The following NCAM2 variants were observed in gnomAD, a reference collection of about 807,000 sequenced individuals.
NCAM2 encodes the protein N-CAM-2.
NCAM2 carries 30 observed loss-of-function variants against 98.1 expected under a neutral mutation model. That is an observed-to-expected ratio of 0.31 (90% CI 0.23 to 0.41). The LOEUF is 0.41. Ranked by LOEUF, NCAM2 falls within the 10% of genes least tolerant of loss-of-function variation. NCAM2 has a pLI of 1.00. For synonymous variants in NCAM2, 368 were observed against 342.4 expected, an observed-to-expected ratio of 1.07 and a Z score of -0.83; for missense variants, 867 against 1,005.8, an observed-to-expected ratio of 0.86 and a Z score of 1.87.
chr21:21,315,261 G>A (rs1462868889), intron 5 of NCAM2, among the ~76,000 whole-genome samples: 2 of 152,066 alleles, frequency 1.3e-5, no homozygotes, highest in East Asian at 3.9e-4. Flanking sequence ...CAAAATCTTA[G>A]CAATGTTTAG....
intron 1 of NCAM2, among the ~76,000 whole-genome samples, chr21:21,242,544 A>T (rs376475506): frequency 6.6e-6 from 1 of 151,984 alleles, no homozygotes. Flanking sequence ...CTCTACTTCT[A>T]TGGGTTCACT....
At chr21:21,132,564 A>G (rs961420985) in intron 1 of NCAM2, among the ~76,000 whole-genome samples, 5 of 152,204 alleles carry the variant, frequency 3.3e-5, no homozygotes, top group African/African-American at 1.2e-4. Flanking sequence ...AAAGCACCTC[A>G]GTATTCTAAT....
chr21:21,400,685 A>G (rs1413913119), intron 9 of NCAM2, among the ~76,000 whole-genome samples: 1 of 151,468 alleles, frequency 6.6e-6, no homozygotes, highest in Non-Finnish European at 1.5e-5. Context: ...TCCTAGGTTC[A>G]AGTGATTCTC....
chr21:21,205,109 GT>G (rs1375570829), intron 1 of NCAM2, among the ~76,000 whole-genome samples: 1 of 152,122 alleles, frequency 6.6e-6, no homozygotes, highest in Non-Finnish European at 1.5e-5. Flanking sequence ...GAGTCTAACG[GT>G]AAACCGTATT....
At chr21:21,526,657 C>T (rs1989340492) in intron 16 of NCAM2, among the ~76,000 whole-genome samples, 1 of 151,948 alleles carries the variant, frequency 6.6e-6, no homozygotes, top group Non-Finnish European at 1.5e-5. Context: ...GGCAAAAAGA[C>T]CCACAATAAC....
intron 5 of NCAM2, among the ~76,000 whole-genome samples, chr21:21,307,006 T>G (rs1473243409): frequency 6.6e-6 from 1 of 152,144 alleles, no homozygotes; most frequent in South Asian, 2.1e-4. Context: ...TCTATCCATG[T>G]GGTTGCAAAT....
intron 16 of NCAM2, among the ~76,000 whole-genome samples, chr21:21,530,101 A>C (rs1602568975): frequency 1.3e-5 from 1 of 78,586 alleles, no homozygotes; most frequent in Non-Finnish European, 3.0e-5. Context: ...TAATTTAATT[A>C]TATATAATTT....
rs73316703 is a variant in NCAM2 at position 21,207,795 on chromosome 21, T to A, written c.56-72783T>A. Among the ~76,000 whole-genome samples the A allele has an allele frequency of 4.0e-3, 615 of 152,262 alleles. 11 individuals are homozygous for A. The highest frequency in any genetic ancestry group is 0.014 in the African/African-American group (589 of 41,560). ...ACTCCCCTCCCCAAATAGTAAAATA[T>A]CATTATAACTCATATGCATAAAAAT... is the stretch of plus-strand genomic sequence containing the variant. On this transcript the variant is annotated intron_variant, in intron 1 of 17. Coordinates refer to ENST00000400546, the MANE Select transcript of NCAM2 (RefSeq NM_004540.5).
chr21:21,301,198 T>G (rs952700628), intron 5 of NCAM2, among the ~76,000 whole-genome samples: 15 of 152,088 alleles, frequency 9.9e-5, no homozygotes, highest in African/African-American at 3.4e-4. Flanking sequence ...CTGTTTATTC[T>G]ATTGATTGCT....
At chr21:21,248,551 C>T (rs1173432958) in intron 1 of NCAM2, among the ~76,000 whole-genome samples, 4 of 151,744 alleles carry the variant, frequency 2.6e-5, no homozygotes, top group Admixed American at 6.6e-5. Context: ...CCGAGGCAAG[C>T]GGGTCACGAG....
intron 8 of NCAM2, among the ~76,000 whole-genome samples, chr21:21,369,866 T>C (rs1324196391): frequency 6.6e-6 from 1 of 151,784 alleles, no homozygotes; most frequent in African/African-American, 2.4e-5. Context: ...CAGCTTTTTT[T>C]TTCCTCAAGT....
At chr21:21,486,303 C>CAAAAAAAAAAAAAAAAAA (rs67182493) in intron 15 of NCAM2, among the ~76,000 whole-genome samples, 1 of 52,264 alleles carries the variant, frequency 1.9e-5, no homozygotes, top group African/African-American at 8.4e-5. Flanking sequence ...GACTCCGTCT[C>CAAAAAAAAAAAAAAAAAA]AAAAAAAAAA....
chr21:21,488,136 T>A (rs1986546360), intron 15 of NCAM2, among the ~76,000 whole-genome samples: 1 of 152,132 alleles, frequency 6.6e-6, no homozygotes, highest in Admixed American at 6.5e-5. Context: ...AGCAAATACA[T>A]ATAAAGACAA....
chr21:21,076,901 T>G (rs535440356), intron 1 of NCAM2, among the ~76,000 whole-genome samples: 1 of 152,194 alleles, frequency 6.6e-6, no homozygotes, highest in Non-Finnish European at 1.5e-5. Context: ...GGACTGTCCT[T>G]TGCAGAATGA....
At chr21:21,262,658 CAAA>C (rs33912324) in intron 1 of NCAM2, among the ~76,000 whole-genome samples, 8 of 78,960 alleles carry the variant, frequency 1.0e-4, no homozygotes, top group African/African-American at 2.5e-4. Context: ...AACAATCAGT[CAAA>C]AAAAAAAAAA....
intron 1 of NCAM2, among the ~76,000 whole-genome samples, chr21:21,278,254 C>A (rs1298588452): frequency 6.6e-6 from 1 of 151,920 alleles, no homozygotes; most frequent in Non-Finnish European, 1.5e-5. Context: ...AAAATCCATG[C>A]CCTACTGCCC....
At position 21,407,299 on chromosome 21, in the gene NCAM2, C is replaced by T. The variant is rs117339236; in HGVS notation, c.1196-2975C>T. Among the ~76,000 whole-genome samples, 25 of 152,250 alleles carry T rather than the reference C, an allele frequency of 1.6e-4. No homozygotes were observed. The East Asian group carries it at 1.7e-3, about 11-fold the overall frequency. On this transcript the variant is annotated intron_variant, in intron 9 of 17. Coordinates refer to ENST00000400546, the MANE Select transcript of NCAM2 (RefSeq NM_004540.5). Reference sequence around the variant, plus strand: ...ATTTAGTTTCTGTTTTATTATAGACCGGCGTTATCAATATTTTCTTGCTTG... The same window carrying T: ...ATTTAGTTTCTGTTTTATTATAGACTGGCGTTATCAATATTTTCTTGCTTG...
rs202032289 is a variant in NCAM2, at chr21:21,436,292, C to CT, written c.1654+4013dup. On this transcript the variant is annotated intron_variant, in intron 12 of 17. Transcript: ENST00000400546. ...ATGTCCTTTAAAGTAGCATTTCCAC[C>CT]TTACTCACATTTTCCCATCTGACTG... is the stretch of plus-strand genomic sequence containing the variant. Among the ~76,000 whole-genome samples, 228 of 152,248 alleles carry CT rather than the reference C, an allele frequency of 1.5e-3. 6 individuals carry two copies. Among genetic ancestry groups the CT allele is most frequent in the Admixed American group, 0.013 (195 of 15,286 alleles).
chr21:21,157,608 C>G (rs2067654748), intron 1 of NCAM2, among the ~76,000 whole-genome samples: 1 of 151,892 alleles, frequency 6.6e-6, no homozygotes, highest in African/African-American at 2.4e-5. Context: ...GTAATGTGTT[C>G]CCTCTTATAA....
Sources: allele counts gnomAD v4.1 joint callset (sites outside exome capture counted in the v4.1 genomes callset), GRCh38; gene constraint gnomAD v4.1.1; transcripts MANE v1.5; gene names NCBI Gene and HGNC (gene_info 2026-07-23, HGNC 2026-07-21).